Variants in IL1RAP observed in about 807,000 individuals in gnomAD.
The protein encoded by IL1RAP is interleukin 1 receptor accessory protein.
In IL1RAP, 35 loss-of-function variants were observed where a neutral mutation model predicts 60.7. The ratio of observed to expected loss-of-function variants is 0.58; its 90% CI spans 0.44 to 0.76. IL1RAP has a LOEUF of 0.76. IL1RAP is among the 30% of genes least tolerant of loss of function. IL1RAP has a pLI of 0.00. For synonymous variants in IL1RAP, 268 were observed against 250.9 expected (o/e 1.07, Z -0.64); for missense variants, 572 against 693.9 (o/e 0.82, Z 1.97).
At chr3:190,654,423 C>T (rs1287601852), downstream of IL1RAP, among the ~76,000 whole-genome samples, 1 of 152,194 alleles carries the variant, frequency 6.6e-6, no homozygotes, top group Non-Finnish European at 1.5e-5. Flanking sequence ...TGTGCACACA[C>T]TCGTACACAC....
chr3:190,635,941 T>C (rs1331683863), intron 9 of IL1RAP, among the ~76,000 whole-genome samples: 1 of 152,160 alleles, frequency 6.6e-6, no homozygotes, highest in African/African-American at 2.4e-5. Flanking sequence ...TTCCTTTTCT[T>C]ATCCTTCAGG....
At chr3:190,633,309 T>A (rs1732940700) in intron 9 of IL1RAP, among the ~76,000 whole-genome samples, 1 of 152,194 alleles carries the variant, frequency 6.6e-6, no homozygotes, top group South Asian at 2.1e-4. Flanking sequence ...ATATATATTG[T>A]TAAATGTATG....
chr3:190,600,462 C>G (rs1268389609), intron 3 of IL1RAP, among the ~76,000 whole-genome samples: 1 of 152,152 alleles, frequency 6.6e-6, no homozygotes, highest in Non-Finnish European at 1.5e-5. Context: ...ACTGCATGTG[C>G]CAGGATAGAT....
chr3:190,632,627 T>C (rs1732884513), intron 9 of IL1RAP, among the ~76,000 whole-genome samples: 1 of 152,222 alleles, frequency 6.6e-6, no homozygotes. Flanking sequence ...ATTCTATGCT[T>C]AGTGGTTTCT....
chr3:190,655,857 A>G (rs562048125), downstream of IL1RAP: 3 of 1,458,426 alleles, frequency 2.1e-6, no homozygotes, highest in Admixed American at 4.0e-5. Context: ...AGTTTTCACT[A>G]TACATTGTCC....
chr3:190,622,773 G>C (rs777242657), intron 6 of IL1RAP, among the ~76,000 whole-genome samples: 4 of 152,070 alleles, frequency 2.6e-5, no homozygotes, highest in Non-Finnish European at 5.9e-5. Context: ...GAAGCTCTCC[G>C]AACCTCATTG....
intron 7 of IL1RAP, chr3:190,625,147 C>G (rs939946160): frequency 6.6e-6 from 1 of 152,386 alleles, no homozygotes; most frequent in Non-Finnish European, 1.5e-5. Flanking sequence ...AGGCATAAAG[C>G]TTTATAGACC....
intron 3 of IL1RAP, among the ~76,000 whole-genome samples, chr3:190,565,655 C>T (rs965409482): frequency 6.6e-6 from 1 of 152,132 alleles, no homozygotes; most frequent in African/African-American, 2.4e-5. Context: ...AGATGTTATT[C>T]GGCTGGGATG....
At chr3:190,527,160 G>A (rs1368198468) in intron 1 of IL1RAP, among the ~76,000 whole-genome samples, 2 of 152,148 alleles carry the variant, frequency 1.3e-5, no homozygotes, top group Admixed American at 6.5e-5. Context: ...GAAGACTAAA[G>A]TTTTGCCCCA....
chr3:190,581,502 C>T (rs557493431), intron 3 of IL1RAP, among the ~76,000 whole-genome samples: 23 of 152,242 alleles, frequency 1.5e-4, no homozygotes, highest in African/African-American at 5.1e-4. Context: ...GACAAGAATC[C>T]GTATTTCCAA....
At chr3:190,643,685 G>A (rs141250572) in intron 9 of IL1RAP, among the ~76,000 whole-genome samples, 4 of 152,310 alleles carry the variant, frequency 2.6e-5, no homozygotes, top group Non-Finnish European at 2.9e-5. Context: ...CTTTTGCACA[G>A]TGAAAATAAT....
intron 1 of IL1RAP, among the ~76,000 whole-genome samples, chr3:190,533,625 C>T (rs905508790): frequency 4.6e-5 from 7 of 152,194 alleles, no homozygotes; most frequent in African/African-American, 7.2e-5. Context: ...GGGCCTGGCA[C>T]GGTTCCGTCA....
At position 190,649,944 on chromosome 3, in the gene IL1RAP, A is replaced by G. The variant is rs115981960; in HGVS notation, c.*1239A>G. The G allele has an allele frequency of 4.8e-3, 3,932 of 817,918 alleles. 142 individuals are homozygous for G. In the African/African-American group the frequency reaches 0.068, roughly 14 times the overall value. 50.7% of individuals were successfully genotyped at this position (817,918 alleles called of 1,614,324 possible). On this transcript the variant is annotated 3_prime_UTR_variant, in exon 12 of 12. Transcript: ENST00000447382. ...TGTTACATGTAGATTATACATATATATACACACGTGTATATGAGATATATA... is the reference window on the plus strand; with the variant it reads ...TGTTACATGTAGATTATACATATATGTACACACGTGTATATGAGATATATA...
intron 3 of IL1RAP, among the ~76,000 whole-genome samples, chr3:190,587,075 G>A (rs930512854): frequency 1.3e-5 from 2 of 152,140 alleles, no homozygotes; most frequent in African/African-American, 4.8e-5. Flanking sequence ...AAATACTCTT[G>A]AAGTTAGCAT....
chr3:190,647,605 A>T lies in IL1RAP; in HGVS notation c.1346-733A>T, dbSNP rs1196890406. ...CACATCATCTAGCAGCTGCCGAAAC[A>T]CATAGCTTTATAGTAATGGTCGGAG... On this transcript the variant is annotated intron_variant, in intron 11 of 11. Transcript: ENST00000447382. Among the ~76,000 whole-genome samples the T allele has an allele frequency of 3.9e-5, 6 of 152,192 alleles. No individual in the cohort carries two copies. The East Asian group carries it at 1.2e-3, about 29-fold the overall frequency.
intron 2 of IL1RAP, among the ~76,000 whole-genome samples, chr3:190,563,729 C>T (rs1726111412): frequency 6.6e-6 from 1 of 152,102 alleles, no homozygotes; most frequent in Admixed American, 6.6e-5. Flanking sequence ...AAGTCTGAAT[C>T]CAGGATTTCT....
intron 8 of IL1RAP, among the ~76,000 whole-genome samples, chr3:190,628,353 T>G (rs1199099443): frequency 6.6e-6 from 1 of 152,204 alleles, no homozygotes; most frequent in Admixed American, 6.5e-5. Flanking sequence ...TAATAATGAA[T>G]AAATAACAAG....
chr3:190,641,544 T>C (rs1194295035), intron 9 of IL1RAP, among the ~76,000 whole-genome samples: 2 of 152,178 alleles, frequency 1.3e-5, no homozygotes, highest in South Asian at 2.1e-4. Context: ...TCTGTAAATA[T>C]GACAAATGAC....
chr3:190,640,881 A>G (rs1233390715), intron 9 of IL1RAP, among the ~76,000 whole-genome samples: 2 of 152,240 alleles, frequency 1.3e-5, no homozygotes, highest in Admixed American at 1.3e-4. Flanking sequence ...GAATCAGAAT[A>G]TTAGTAAAAT....
Sources: gnomAD v4.1 joint callset for allele counts (sites outside exome capture counted in the v4.1 genomes callset) on GRCh38, gnomAD v4.1.1 for gene constraint, MANE v1.5 for transcripts, NCBI Gene and HGNC (gene_info 2026-07-23, HGNC 2026-07-21) for gene names.